The following CDK14 variants were observed in gnomAD, a reference collection of about 807,000 sequenced individuals.
CDK14 encodes cyclin-dependent kinase 14.
In CDK14, 34 loss-of-function variants were observed where a neutral mutation model predicts 60.7. That is an observed-to-expected ratio of 0.56 (90% confidence interval 0.43 to 0.75). The LOEUF is 0.75. Ranked by LOEUF, CDK14 falls within the 30% of genes least tolerant of loss-of-function variation. The pLI, the probability that CDK14 is intolerant of heterozygous loss-of-function variation, is 0.00. For synonymous variants in CDK14, 197 were observed against 203.7 expected (o/e 0.97, Z 0.28); for missense variants, 482 against 564.1 (o/e 0.85, Z 1.47).
At chr7:91,164,303 A>T (rs1312403705) in intron 14 of CDK14, among the ~76,000 whole-genome samples, 1 of 152,220 alleles carries the variant, frequency 6.6e-6, no homozygotes, top group South Asian at 2.1e-4. Context: ...AATAATTACA[A>T]TAATTAATAT....
chr7:91,124,244 A>T (rs1428145786), intron 14 of CDK14, among the ~76,000 whole-genome samples: 1 of 152,138 alleles, frequency 6.6e-6, no homozygotes, highest in East Asian at 1.9e-4. Context: ...AGATGCAAGA[A>T]TAGCACAAGA....
chr7:90,633,801 A>G (rs1034316535), intron 2 of CDK14, among the ~76,000 whole-genome samples: 2 of 151,924 alleles, frequency 1.3e-5, no homozygotes, highest in African/African-American at 2.4e-5. Context: ...TATTAATGGT[A>G]TTTCTTAAAG....
intron 14 of CDK14, among the ~76,000 whole-genome samples, chr7:91,178,708 T>A (rs1264764196): frequency 2.6e-5 from 4 of 151,390 alleles, no homozygotes; most frequent in Non-Finnish European, 5.9e-5. Context: ...CATGAAAAAA[T>A]GCTCATCATC....
chr7:90,656,476 T>A (rs530511079), intron 2 of CDK14, among the ~76,000 whole-genome samples: 1 of 151,146 alleles, frequency 6.6e-6, no homozygotes, highest in African/African-American at 2.4e-5. Flanking sequence ...GCCTCACAGG[T>A]TCAAGCGATT....
intron 12 of CDK14, among the ~76,000 whole-genome samples, chr7:91,089,660 A>T (rs2116264164): frequency 6.6e-6 from 1 of 151,972 alleles, no homozygotes; most frequent in East Asian, 1.9e-4. Flanking sequence ...AACAAGTAAA[A>T]TGTCTCTGTT....
chr7:90,838,296 T>C (rs528867858), intron 5 of CDK14, among the ~76,000 whole-genome samples: 2 of 152,318 alleles, frequency 1.3e-5, no homozygotes, highest in East Asian at 3.9e-4. Context: ...CTCTTAATCC[T>C]GTCATCTTCA....
At chr7:91,130,007 A>G (rs1800069488) in intron 14 of CDK14, among the ~76,000 whole-genome samples, 1 of 152,204 alleles carries the variant, frequency 6.6e-6, no homozygotes, top group Non-Finnish European at 1.5e-5. Flanking sequence ...ATATAGTTTC[A>G]GATTCCCTGG....
chr7:90,732,161 C>T (rs1283390821), intron 3 of CDK14, among the ~76,000 whole-genome samples: 1 of 152,010 alleles, frequency 6.6e-6, no homozygotes, highest in African/African-American at 2.4e-5. Context: ...GGCTTATGTT[C>T]AACCAACCTT....
chr7:91,096,587 A>G (rs1409054473), intron 12 of CDK14, among the ~76,000 whole-genome samples: 1 of 152,202 alleles, frequency 6.6e-6, no homozygotes, highest in Non-Finnish European at 1.5e-5. Flanking sequence ...AAGAAAATAT[A>G]AATTTTTTTA....
Position 90,731,087 on chromosome 7 carries a change from CA to C in CDK14, c.369+4277del, listed in dbSNP as rs560534898. Among the ~76,000 whole-genome samples, 446 of 152,204 alleles carry C rather than the reference CA, an allele frequency of 2.9e-3. 1 individual carries two copies. The highest frequency in any genetic ancestry group is 0.01 in the Middle Eastern group (3 of 294). On this transcript the variant is annotated intron_variant, in intron 3 of 14. Coordinates refer to ENST00000380050, the MANE Select transcript of CDK14 (RefSeq NM_001287135.2). Reference sequence around the variant, plus strand: ...TTTACATATGGCTAGCCAGTTTTCCCAACACTATTTATTAAATAGGGAACCC... The same window carrying C: ...TTTACATATGGCTAGCCAGTTTTCCCACACTATTTATTAAATAGGGAACCC...
chr7:91,102,213 A>G (rs1799165707), intron 12 of CDK14, among the ~76,000 whole-genome samples: 1 of 152,184 alleles, frequency 6.6e-6, no homozygotes, highest in African/African-American at 2.4e-5. Context: ...CGGTGCATAA[A>G]GTATGAGTAT....
intron 4 of CDK14, among the ~76,000 whole-genome samples, chr7:90,783,914 C>T (rs1218168715): frequency 6.6e-6 from 1 of 152,096 alleles, no homozygotes; most frequent in Non-Finnish European, 1.5e-5. Flanking sequence ...AGCAGTCCCA[C>T]TCCTGGGTGT....
At chr7:90,756,132 T>C (rs915072658) in intron 4 of CDK14, among the ~76,000 whole-genome samples, 2 of 152,208 alleles carry the variant, frequency 1.3e-5, no homozygotes, top group African/African-American at 4.8e-5. Flanking sequence ...ACTGCTTCCA[T>C]AGTGCAAGAC....
intron 12 of CDK14, among the ~76,000 whole-genome samples, chr7:91,110,495 T>C (rs1036184007): frequency 6.6e-6 from 1 of 152,170 alleles, no homozygotes; most frequent in Non-Finnish European, 1.5e-5. Flanking sequence ...CATAATGTGG[T>C]TCATCACTAT....
At chr7:90,598,948 C>T (rs1463141165) in intron 1 of CDK14, among the ~76,000 whole-genome samples, 1 of 151,996 alleles carries the variant, frequency 6.6e-6, no homozygotes, top group African/African-American at 2.4e-5. Context: ...TCGTGATCCG[C>T]CCGCCTCGGC....
At chr7:90,735,377 A>G (rs1233607971) in intron 3 of CDK14, among the ~76,000 whole-genome samples, 1 of 152,232 alleles carries the variant, frequency 6.6e-6, no homozygotes, top group Non-Finnish European at 1.5e-5. Context: ...GCTGTCAGGC[A>G]GGGATGTTTA....
chr7:90,931,800 GTT>G (rs902298737), intron 8 of CDK14, among the ~76,000 whole-genome samples: 3 of 141,276 alleles, frequency 2.1e-5, no homozygotes, highest in African/African-American at 7.9e-5. Context: ...GTGTGTGTGT[GTT>G]TTGGTGAGAA....
intron 2 of CDK14, among the ~76,000 whole-genome samples, chr7:90,612,046 T>G (rs1404313286): frequency 6.6e-6 from 1 of 152,098 alleles, no homozygotes; most frequent in Admixed American, 6.5e-5. Context: ...TTGGCTAGGT[T>G]GGTCATAAAC....
intron 12 of CDK14, among the ~76,000 whole-genome samples, chr7:91,086,012 A>G (rs1798627919): frequency 1.3e-5 from 2 of 152,128 alleles, no homozygotes; most frequent in Admixed American, 6.6e-5. Context: ...AATGTAATTA[A>G]CAAGAGTTAA....
Sources: gnomAD v4.1 joint callset for allele counts (sites outside exome capture counted in the v4.1 genomes callset) on GRCh38, gnomAD v4.1.1 for gene constraint, MANE v1.5 for transcripts, NCBI Gene and HGNC (gene_info 2026-07-23, HGNC 2026-07-21) for gene names.